RPTOR: variants seen among roughly 807,000 people sequenced by gnomAD.
RPTOR encodes the protein regulatory associated protein of MTOR complex 1, also known as regulatory-associated protein of mTOR.
Under a neutral mutation model 169.9 loss-of-function variants are expected in RPTOR, and 21 were observed. The observed-to-expected ratio is 0.12, with a 90% CI of 0.09 to 0.18. The LOEUF (loss-of-function observed/expected upper bound fraction) is 0.18, where lower values mean the gene tolerates loss of function less well. Ranked by LOEUF, RPTOR falls within the 10% of genes least tolerant of loss-of-function variation. The pLI is 1.00. For synonymous variants in RPTOR, 732 were observed against 753.2 expected, an observed-to-expected ratio of 0.97 and a Z score of 0.46; for missense variants, 1,133 against 1,855.9, an observed-to-expected ratio of 0.61 and a Z score of 7.16.
intron 3 of RPTOR, among the ~76,000 whole-genome samples, chr17:80,700,661 A>G (rs1449970135): frequency 3.4e-3 from 10 of 2,922 alleles, no homozygotes; most frequent in East Asian, 0.03. Flanking sequence ...GGTAGAGATG[A>G]TGGTGATGGT....
rs1343677311 is a variant in RPTOR at position 80,791,503 on chromosome 17, T to C, written c.884T>C (p.Ile295Thr). Residue 295 changes from isoleucine to threonine, a missense_variant, in exon 7 of 34, where the codon ATA becomes ACA. Ile to Thr is a moderately conservative substitution (Grantham distance 89). Coordinates refer to ENST00000306801, the MANE Select transcript of RPTOR (RefSeq NM_020761.3). ...SLVPGVTLDL[I>T]EKIPGRLNDR... ...GTGCCTGGCGTCACACTGGATTTGA[T>C]AGAAAAGTAAGTAGGATTTTTAAGC... The C allele has an allele frequency of 1.9e-6, 3 of 1,613,408 alleles. No homozygotes were observed. Among genetic ancestry groups the C allele is most frequent in the Non-Finnish European group, 2.5e-6 (3 of 1,179,854 alleles).
rs1282592907 is a variant in RPTOR, at chr17:80,634,608, TGTGTACTGTGTGC to T, written c.265+8820_265+8832del. Among the ~76,000 whole-genome samples, 30 of 34,324 alleles carry T rather than the reference TGTGTACTGTGTGC, an allele frequency of 8.7e-4. 4 individuals are homozygous for T. Among genetic ancestry groups the T allele is most frequent in the African/African-American group, 5.3e-3 (27 of 5,124 alleles). 22.5% of individuals were successfully genotyped at this position (34,324 alleles called of 152,430 possible). A position where few individuals can be genotyped will look rare whatever the true frequency, so the allele number is the denominator to read the frequency against. Reference sequence around the variant, plus strand: ...GCGTACTGTGTGTGTGCGTACTGTGTGTGTACTGTGTGCGTGTGCGTACTGTGTGTGTGCATAC... The same window carrying T: ...GCGTACTGTGTGTGTGCGTACTGTGTGTGTGCGTACTGTGTGTGTGCATAC... On this transcript the variant is annotated intron_variant, in intron 2 of 33. Coordinates refer to ENST00000306801, the MANE Select transcript of RPTOR (RefSeq NM_020761.3).
At chr17:80,889,313 A>G (rs2068287025) in intron 17 of RPTOR, among the ~76,000 whole-genome samples, 1 of 152,180 alleles carries the variant, frequency 6.6e-6, no homozygotes, top group African/African-American at 2.4e-5. Flanking sequence ...GAAGGTGGGG[A>G]GCCGACAGGA....
chr17:80,602,584 T>C, intron 1 of RPTOR: 1 of 613,372 alleles, frequency 1.6e-6, no homozygotes, highest in Non-Finnish European at 3.1e-6. Flanking sequence ...TGTAGATTTT[T>C]GAACATGGTA....
chr17:80,940,567 T>G lies in RPTOR; in HGVS notation c.2991T>G (p.Arg997=), dbSNP rs759357795. ...AGTGGCGGTTCCTGCGAAACAGCCG[T>G]GTCAGGAGGCAGGCCCAGCAAGTCA... ...EREWRFLRNS[R]VRRQAQQVIQ... The change falls in exon 25 of 34, where the codon CGT becomes CGG. Residue 997 remains arginine (R), a synonymous_variant. Coordinates refer to ENST00000306801, the MANE Select transcript of RPTOR (RefSeq NM_020761.3). The G allele has an allele frequency of 6.2e-7, 1 of 1,612,570 alleles. No homozygotes were observed. Among genetic ancestry groups the G allele is most frequent in the East Asian group, 2.2e-5 (1 of 44,852 alleles).
chr17:80,590,739 ACT>A (rs1435159855), intron 1 of RPTOR, among the ~76,000 whole-genome samples: 12 of 151,736 alleles, frequency 7.9e-5, no homozygotes, highest in African/African-American at 2.7e-4. Flanking sequence ...TATTTTTGTA[ACT>A]CTTTTTTTAA....
rs574984995 is a variant in RPTOR at position 80,817,548 on chromosome 17, A to AG, written c.891-4650dup. 2.0e-3 allele frequency among the ~76,000 whole-genome samples: 304 copies of AG among 151,920 alleles called. 1 individual carries two copies. Among genetic ancestry groups the AG allele is most frequent in the Admixed American group, 4.9e-3 (75 of 15,268 alleles). ...ACCTGTGAGTGAACCGGGGAGGGAC[A>AG]GGGCCCCAAGGAGTGGGTGGCACCT... is the stretch of plus-strand genomic sequence containing the variant. On this transcript the variant is annotated intron_variant, in intron 7 of 33. Coordinates refer to ENST00000306801, the MANE Select transcript of RPTOR (RefSeq NM_020761.3).
chr17:80,873,274 CAG>C (rs563848399), intron 13 of RPTOR, among the ~76,000 whole-genome samples: 136 of 152,268 alleles, frequency 8.9e-4, no homozygotes, highest in African/African-American at 3.1e-3. Context: ...TCACCGCAGA[CAG>C]AGCAGCTCTC....
At chr17:80,569,251 T>C (rs2064877341) in intron 1 of RPTOR, among the ~76,000 whole-genome samples, 1 of 152,238 alleles carries the variant, frequency 6.6e-6, no homozygotes, top group Admixed American at 6.5e-5. Flanking sequence ...TGTTACGTTG[T>C]TGAGCATCTG....
chr17:80,613,232 C>T (rs1190368952), intron 1 of RPTOR, among the ~76,000 whole-genome samples: 2 of 152,168 alleles, frequency 1.3e-5, no homozygotes, highest in South Asian at 4.1e-4. Flanking sequence ...TCTCCAGACT[C>T]GAGTGACACT....
At chr17:80,928,046 CT>C (rs1304211101) in intron 24 of RPTOR, among the ~76,000 whole-genome samples, 2 of 152,142 alleles carry the variant, frequency 1.3e-5, no homozygotes, top group African/African-American at 2.4e-5. Flanking sequence ...TCCTCTGCCC[CT>C]GCCAAGTATT....
rs1050017945 is a variant in RPTOR at position 80,721,129 on chromosome 17, C to T, written c.508-9431C>T. ...CAAGCAGGAGTGAGAACCAGCTAGA[C>T]AAGGGGAGGCCTGGGAGTGCGAGGG... On this transcript the variant is annotated intron_variant, in intron 4 of 33. Coordinates refer to ENST00000306801, the MANE Select transcript of RPTOR (RefSeq NM_020761.3). The surrounding 1 kb of genome is among the most constrained non-coding windows in gnomAD (Gnocchi z 4.7). Among the ~76,000 whole-genome samples, 6 of 150,814 alleles carry T rather than the reference C, an allele frequency of 4.0e-5. No individual in the cohort carries two copies. The highest frequency in any genetic ancestry group is 3.3e-4 in the Admixed American group (5 of 15,240).
At position 80,820,531 on chromosome 17, in the gene RPTOR, CT is replaced by C. The variant is rs1204649849; in HGVS notation, c.891-1669del. ...CTTGCATTTCATAAGGAAATGTCTT[CT>C]CTTTGGGAGGTGTGCCCCACCCTCA... On this transcript the variant is annotated intron_variant, in intron 7 of 33. Transcript: ENST00000306801. The surrounding 1 kb of genome is among the most constrained non-coding windows in gnomAD (Gnocchi z 4.1). 2.6e-5 allele frequency among the ~76,000 whole-genome samples: 4 copies of C among 152,286 alleles called. No homozygotes were observed. Among genetic ancestry groups the C allele is most frequent in the Non-Finnish European group, 4.4e-5 (3 of 68,026 alleles).
intron 20 of RPTOR, among the ~76,000 whole-genome samples, chr17:80,900,406 T>A (rs765618597): frequency 4.6e-5 from 7 of 151,860 alleles, no homozygotes; most frequent in African/African-American, 1.2e-4. Flanking sequence ...GCTCACTGCC[T>A]CCCGGGTTCA....
At chr17:80,856,278 G>A (rs895093535) in intron 12 of RPTOR, among the ~76,000 whole-genome samples, 50 of 152,306 alleles carry the variant, frequency 3.3e-4, no homozygotes, top group African/African-American at 1.2e-3. Context: ...CTTGGGTGTG[G>A]TAACTGGATC....
At chr17:80,838,136 T>C in intron 10 of RPTOR, 139 bp downstream of exon 10, 1 of 650,706 alleles carries the variant, frequency 1.5e-6, no homozygotes, top group African/African-American at 1.8e-5. Flanking sequence ...GGAAAAAATG[T>C]AGTTGCCAGA....
At chr17:80,840,783 G>A (rs184457482) in intron 10 of RPTOR, among the ~76,000 whole-genome samples, 3 of 130,144 alleles carry the variant, frequency 2.3e-5, no homozygotes, top group Admixed American at 7.9e-5. Context: ...CCACACCGCA[G>A]CTCACACTCA....
At chr17:80,786,876 G>C (rs1309496844) in intron 6 of RPTOR, among the ~76,000 whole-genome samples, 1 of 152,202 alleles carries the variant, frequency 6.6e-6, no homozygotes, top group East Asian at 1.9e-4. Context: ...TGCGTACCCA[G>C]CCTGGATCCG....
In RPTOR at chr17:80,944,390, T is replaced by G. The variant is rs1363229813; in HGVS notation, c.3026-1277T>G. Reference sequence around the variant, plus strand: ...CTTTCTTCATATAATCTGACCCAGATAAATTTGTACAAACCTGACCACTGC... The same window carrying G: ...CTTTCTTCATATAATCTGACCCAGAGAAATTTGTACAAACCTGACCACTGC... On this transcript the variant is annotated intron_variant, in intron 25 of 33. Transcript: ENST00000306801. Among the ~76,000 whole-genome samples, 4 of 152,242 alleles carry G rather than the reference T, an allele frequency of 2.6e-5. No individual in the cohort carries two copies. The East Asian group carries it at 5.8e-4, about 22-fold the overall frequency.
Sources: allele counts gnomAD v4.1 joint callset (sites outside exome capture counted in the v4.1 genomes callset), GRCh38; gene constraint gnomAD v4.1.1; non-coding constraint Gnocchi (gnomAD v3.1); transcripts MANE v1.5; gene names NCBI Gene and HGNC (gene_info 2026-07-23, HGNC 2026-07-21).